PRKN: variants seen among roughly 807,000 people sequenced by gnomAD.
PRKN encodes the protein parkin RBR E3 ubiquitin protein ligase.
In PRKN, 56 loss-of-function variants were observed where a neutral mutation model predicts 59.5. The observed-to-expected ratio is 0.94, with a 90% confidence interval of 0.76 to 1.18. PRKN has a LOEUF of 1.18. PRKN is among the 50% of genes most tolerant of loss of function. The pLI, the probability that PRKN is intolerant of heterozygous loss-of-function variation, is 0.00. For synonymous variants in PRKN, 250 were observed against 222.1 expected (o/e 1.13, Z -1.12); for missense variants, 657 against 596.4 (o/e 1.10, Z -1.06).
chr6:162,268,509 A>G (rs1780233824), intron 2 of PRKN, among the ~76,000 whole-genome samples: 1 of 152,252 alleles, frequency 6.6e-6, no homozygotes, highest in Admixed American at 6.5e-5. Flanking sequence ...CAAGACAAAG[A>G]ATACAAGACA....
rs80105610 is a variant in PRKN at position 161,467,483 on chromosome 6, A to G, written c.1084-80606T>C. ...GTAAGATGGGCATTTCTCTGTAAGC[A>G]TATGGTCCAATGGGGAAGACCTAGA... On this transcript the variant is annotated intron_variant, in intron 9 of 11. Transcript: ENST00000366898. This position sits in a 1 kb window ranked among gnomAD's most constrained non-coding sequence, Gnocchi z 4.3. 0.062 allele frequency among the ~76,000 whole-genome samples: 9,439 copies of G among 152,258 alleles called. 337 individuals are homozygous for G. Among genetic ancestry groups the G allele is most frequent in the Middle Eastern group, 0.13 (39 of 294 alleles).
In PRKN at chr6:161,385,238, C is replaced by T. The variant is rs1189247666; in HGVS notation, c.1167+1556G>A. Among the ~76,000 whole-genome samples, 2 of 152,116 alleles carry T rather than the reference C, an allele frequency of 1.3e-5. No individual in the cohort carries two copies. The highest frequency in any genetic ancestry group is 4.8e-5 in the African/African-American group (2 of 41,424). Reference sequence around the variant, plus strand: ...CCACCTCGCCCGGCCGGGAAATATACTTTTCAATGCATTTTTCTAGAGAGT... The same window carrying T: ...CCACCTCGCCCGGCCGGGAAATATATTTTTCAATGCATTTTTCTAGAGAGT... On this transcript the variant is annotated intron_variant, in intron 10 of 11. Coordinates refer to ENST00000366898, the MANE Select transcript of PRKN (RefSeq NM_004562.3). This position sits in a 1 kb window ranked among gnomAD's most constrained non-coding sequence, Gnocchi z 4.9.
intron 6 of PRKN, among the ~76,000 whole-genome samples, chr6:161,882,363 G>C (rs943911711): frequency 5.3e-5 from 8 of 152,196 alleles, no homozygotes; most frequent in African/African-American, 9.7e-5. Context: ...TGCGGTGCAA[G>C]AATCAGGCAG....
chr6:162,504,021 T>C (rs970759086), intron 1 of PRKN, among the ~76,000 whole-genome samples: 1 of 152,184 alleles, frequency 6.6e-6, no homozygotes, highest in Non-Finnish European at 1.5e-5. Flanking sequence ...AGAAGGGCTC[T>C]TCTTCCTGCT....
At chr6:162,463,067 T>A (rs967675361) in intron 1 of PRKN, among the ~76,000 whole-genome samples, 3 of 150,294 alleles carry the variant, frequency 2.0e-5, no homozygotes, top group African/African-American at 7.4e-5. Context: ...AGACTCCGTC[T>A]CAAAAAAAAC....
chr6:162,148,745 G>T (rs1782135381), intron 4 of PRKN, among the ~76,000 whole-genome samples: 1 of 152,156 alleles, frequency 6.6e-6, no homozygotes, highest in Non-Finnish European at 1.5e-5. Context: ...AAAGAGCTTT[G>T]GGCAGTAGAA....
intron 1 of PRKN, among the ~76,000 whole-genome samples, chr6:162,529,046 G>C (rs1372219344): frequency 6.6e-6 from 1 of 152,006 alleles, no homozygotes; most frequent in African/African-American, 2.4e-5. Flanking sequence ...GCTAATTTTT[G>C]TATTTTCAGT....
chr6:161,949,007 G>T (rs1361390628), intron 6 of PRKN, among the ~76,000 whole-genome samples: 2 of 152,208 alleles, frequency 1.3e-5, no homozygotes, highest in Non-Finnish European at 2.9e-5. Flanking sequence ...CTGGAGGGAA[G>T]TGGACCAGTG....
At chr6:162,111,705 TA>T (rs200947128) in intron 4 of PRKN, among the ~76,000 whole-genome samples, 113 of 145,074 alleles carry the variant, frequency 7.8e-4, no homozygotes, top group Admixed American at 1.2e-3. Flanking sequence ...GTCTCACAAT[TA>T]AAAAAAAAAA....
chr6:162,421,971 T>C (rs1289005931), intron 2 of PRKN, among the ~76,000 whole-genome samples: 1 of 152,212 alleles, frequency 6.6e-6, no homozygotes, highest in African/African-American at 2.4e-5. Context: ...GGAAAGCTTA[T>C]CTTCAAGTTT....
rs1786765727 is a variant in PRKN, at chr6:161,396,488, T to C, written c.1084-9611A>G. On this transcript the variant is annotated intron_variant, in intron 9 of 11. Coordinates refer to ENST00000366898, the MANE Select transcript of PRKN (RefSeq NM_004562.3). This position sits in a 1 kb window ranked among gnomAD's most constrained non-coding sequence, Gnocchi z 5.4. ...ACTGGTCACAGAGTATCAAATTCAATGCCACTTTCAAACATCGCCATTCAT... is the reference window on the plus strand; with the variant it reads ...ACTGGTCACAGAGTATCAAATTCAACGCCACTTTCAAACATCGCCATTCAT... 6.6e-6 allele frequency among the ~76,000 whole-genome samples: 1 copy of C among 152,204 alleles called. No homozygotes were observed. The highest frequency in any genetic ancestry group is 1.5e-5 in the Non-Finnish European group (1 of 68,036).
chr6:161,679,903 T>C (rs367920089), intron 7 of PRKN, among the ~76,000 whole-genome samples: 38 of 151,930 alleles, frequency 2.5e-4, no homozygotes, highest in East Asian at 1.2e-3. Flanking sequence ...TACAGGCGCC[T>C]GCCACCAGCC....
At chr6:162,592,540 G>A (rs1222822248) in intron 1 of PRKN, among the ~76,000 whole-genome samples, 1 of 152,150 alleles carries the variant, frequency 6.6e-6, no homozygotes, top group Non-Finnish European at 1.5e-5. Flanking sequence ...TGTACCTACT[G>A]ACTTATCACC....
At chr6:162,028,917 C>T (rs995756538) in intron 5 of PRKN, among the ~76,000 whole-genome samples, 4 of 152,190 alleles carry the variant, frequency 2.6e-5, no homozygotes, top group Non-Finnish European at 4.4e-5. Flanking sequence ...GTGCTGTGAA[C>T]GCACATTTCC....
At position 162,443,473 on chromosome 6, in the gene PRKN, A is replaced by G; in HGVS notation, c.8T>C (p.Val3Ala). ...ATGGCTGGAGTTGAACCTGACAAAC[A>G]CTGACCAAGGAAATTGGAAGGGAGA... is the stretch of plus-strand genomic sequence containing the variant. The part of the protein sequence containing the change: MI[V>A]FVRFNSSHGF... Residue 3 changes from valine (V) to alanine (A), a missense_variant and splice_region_variant, in exon 2 of 12, where the codon GTG (valine) becomes GCG (alanine). Physicochemically the swap from Val to Ala is moderately conservative, Grantham distance 64. Coordinates refer to ENST00000366898, the MANE Select transcript of PRKN (RefSeq NM_004562.3). 6.2e-7 allele frequency: 1 copy of G among 1,614,028 alleles called. No individual in the cohort carries two copies. The highest frequency in any genetic ancestry group is 8.5e-7 in the Non-Finnish European group (1 of 1,179,898).
In PRKN at chr6:161,410,615, T is replaced by C. The variant is rs1787492024; in HGVS notation, c.1084-23738A>G. ...GGGCGAGCTATTTCCTCCATTCTGG[T>C]GCTCATCGTGGGCCATGCGTTGGTT... On this transcript the variant is annotated intron_variant, in intron 9 of 11. Coordinates refer to ENST00000366898, the MANE Select transcript of PRKN (RefSeq NM_004562.3). This position sits in a 1 kb window ranked among gnomAD's most constrained non-coding sequence, Gnocchi z 5.3. 6.6e-6 allele frequency among the ~76,000 whole-genome samples: 1 copy of C among 152,004 alleles called. No individual in the cohort carries two copies. Among genetic ancestry groups the C allele is most frequent in the Non-Finnish European group, 1.5e-5 (1 of 68,022 alleles).
rs150093227 is a variant in PRKN, at chr6:162,634,649, G to A, written c.7+93013C>T. ...TTGTTGCTGTTATTGTTTTTAAGAC[G>A]GAGTCTCGCTCTGTCACCAGGCTGA... On this transcript the variant is annotated intron_variant, in intron 1 of 11. Coordinates refer to ENST00000366898, the MANE Select transcript of PRKN (RefSeq NM_004562.3). 6.0e-4 allele frequency among the ~76,000 whole-genome samples: 92 copies of A among 152,204 alleles called. 1 individual carries two copies. In the East Asian group the frequency reaches 0.013, roughly 21 times the overall value.
intron 7 of PRKN, among the ~76,000 whole-genome samples, chr6:161,732,091 AT>A (rs397888692): frequency 0.011 from 1,529 of 142,026 alleles, 15 homozygotes; most frequent in African/African-American, 0.025. Context: ...TTCTTGTTCT[AT>A]TTTTTTTTTT....
At chr6:162,305,643 T>TA (rs1205963082) in intron 2 of PRKN, among the ~76,000 whole-genome samples, 1 of 152,190 alleles carries the variant, frequency 6.6e-6, no homozygotes, top group Non-Finnish European at 1.5e-5. Flanking sequence ...TTTTGGTTTT[T>TA]AGTTTCCTAA....
Sources: gnomAD v4.1 joint callset for allele counts (sites outside exome capture counted in the v4.1 genomes callset) on GRCh38, gnomAD v4.1.1 for gene constraint, Gnocchi (gnomAD v3.1) non-coding constraint, MANE v1.5 for transcripts, NCBI Gene and HGNC (gene_info 2026-07-23, HGNC 2026-07-21) for gene names.